Variants in EFHC2 observed in about 807,000 individuals in gnomAD.
EFHC2 encodes the protein EF-hand domain containing 2.
EFHC2 carries 18 observed loss-of-function variants against 52.7 expected under a neutral mutation model. The ratio of observed to expected loss-of-function variants is 0.34; its 90% CI spans 0.24 to 0.51. The LOEUF is 0.51. Ranked by LOEUF, EFHC2 falls within the 20% of genes least tolerant of loss-of-function variation. EFHC2 has a pLI of 0.97. For synonymous variants in EFHC2, 203 were observed against 204.1 expected (o/e 0.99, Z 0.04); for missense variants, 513 against 562.5 (o/e 0.91, Z 0.89).
At chrX:44,177,892 G>A (rs865922300) in intron 12 of EFHC2, among the ~76,000 whole-genome samples, 1 of 109,061 alleles carries the variant, frequency 9.2e-6, no homozygotes, top group Non-Finnish European at 1.9e-5. Context: ...TTCTTTCAAA[G>A]ATACAGGGCC....
Position 44,160,851 on chromosome X carries a change from G to A in EFHC2, c.2148+3071C>T, listed in dbSNP as rs1358370035. Among the ~76,000 whole-genome samples, 4 of 109,460 alleles carry A rather than the reference G, an allele frequency of 3.7e-5. No individual in the cohort carries two copies. In the East Asian group the frequency reaches 1.2e-3, roughly 32 times the overall value. On this transcript the variant is annotated intron_variant, in intron 14 of 14. Transcript: ENST00000420999. ...GCAGGAGAATCACTTGAACCTGGGA[G>A]ATGGAGTTTGCAGTGAGCCGAGATC...
At chrX:44,275,884 A>G (rs2037653282) in intron 2 of EFHC2, among the ~76,000 whole-genome samples, 1 of 106,369 alleles carries the variant, frequency 9.4e-6, no homozygotes, top group South Asian at 4.4e-4. Flanking sequence ...ACTGCACTCC[A>G]GCCTGGGTGA....
At position 44,248,822 on chromosome X, in the gene EFHC2, T is replaced by C. The variant is rs901938221; in HGVS notation, c.953A>G (p.Tyr318Cys). Residue 318 changes from tyrosine to cysteine, a missense_variant, in exon 6 of 15, where the codon TAC becomes TGC. Tyr to Cys is a radical substitution (Grantham distance 194). Transcript: ENST00000420999. Reference protein sequence around the residue: ...GDFIKNQADGYLFDRYKLGKV... With the variant: ...GDFIKNQADGCLFDRYKLGKV... ...CCTTCCCTTATATCTATCGAACAGG[T>C]AGCCATCCGCTTGGTTCTTTATAAA... is the stretch of plus-strand genomic sequence containing the variant. 4 of 1,206,533 alleles carry C rather than the reference T, an allele frequency of 3.3e-6. No homozygotes were observed. The highest frequency in any genetic ancestry group is 3.5e-5 in the African/African-American group (2 of 57,037).
Position 44,176,476 on chromosome X carries a change from T to C in EFHC2, c.1950-92A>G. ...TAGGAAAGAAAATACATTTGTGATGTTTCCTGAGAATGTACACATGGAAGT... is the reference window on the plus strand; with the variant it reads ...TAGGAAAGAAAATACATTTGTGATGCTTCCTGAGAATGTACACATGGAAGT... On this transcript the variant is annotated intron_variant, in intron 12 of 14. Transcript: ENST00000420999. 4.8e-6 allele frequency: 3 copies of C among 622,745 alleles called. No homozygotes were observed. In the South Asian group the frequency reaches 1.0e-4, roughly 21 times the overall value. 51.3% of individuals were successfully genotyped at this position (622,745 alleles called of 1,213,427 possible).
At chrX:44,171,108 G>C (rs1602133011) in intron 13 of EFHC2, among the ~76,000 whole-genome samples, 1 of 111,776 alleles carries the variant, frequency 8.9e-6, no homozygotes, top group Non-Finnish European at 1.9e-5. Context: ...GAAAAAGGGG[G>C]AGGGAAGGCA....
chrX:44,160,132 G>GAGGTCC (rs1464447158), intron 14 of EFHC2, among the ~76,000 whole-genome samples: 1 of 111,842 alleles, frequency 8.9e-6, no homozygotes, highest in African/African-American at 3.3e-5. Flanking sequence ...AAAAGCATCT[G>GAGGTCC]AGGTCCACAG....
chrX:44,312,809 TC>T, intron 1 of EFHC2, 53 bp from the exon 2 acceptor site: 1 of 1,053,989 alleles, frequency 9.5e-7, no homozygotes, highest in Non-Finnish European at 1.2e-6. Flanking sequence ...TTATGACTTT[TC>T]TAACCTGTTT....
At chrX:44,215,294 C>T (rs1473607746) in intron 11 of EFHC2, among the ~76,000 whole-genome samples, 1 of 111,168 alleles carries the variant, frequency 9.0e-6, no homozygotes, top group Non-Finnish European at 1.9e-5. Context: ...CTGACTGATA[C>T]AATTCGGATT....
At chrX:44,272,634 T>C in intron 3 of EFHC2, 52 bp downstream of exon 3, 1 of 1,133,623 alleles carries the variant, frequency 8.8e-7, no homozygotes, top group Non-Finnish European at 1.2e-6. Context: ...AGGCAGTATA[T>C]AAAGGCAGGA....
At chrX:44,200,881 G>A (rs527925541) in intron 11 of EFHC2, among the ~76,000 whole-genome samples, 16 of 111,931 alleles carry the variant, frequency 1.4e-4, no homozygotes, top group African/African-American at 5.2e-4. Context: ...AACAAGAGAC[G>A]TACCAACAAT....
chrX:44,209,430 T>C (rs2037077650), intron 11 of EFHC2, among the ~76,000 whole-genome samples: 1 of 110,311 alleles, frequency 9.1e-6, no homozygotes, highest in Non-Finnish European at 1.9e-5. Flanking sequence ...GAAAAACTGA[T>C]AGAATAAAAA....
At chrX:44,319,567 A>G (rs2038004963) in intron 1 of EFHC2, among the ~76,000 whole-genome samples, 1 of 111,607 alleles carries the variant, frequency 9.0e-6, no homozygotes, top group African/African-American at 3.3e-5. Flanking sequence ...TACTGACTAT[A>G]CCTCCCAAAT....
chrX:44,336,965 TTA>T (rs1328898378), intron 1 of EFHC2, among the ~76,000 whole-genome samples: 2 of 112,136 alleles, frequency 1.8e-5, no homozygotes, highest in Non-Finnish European at 3.8e-5. Context: ...TTGTATAAAA[TTA>T]TATCTTAGGT....
chrX:44,322,031 A>C (rs1221541448), intron 1 of EFHC2, among the ~76,000 whole-genome samples: 2 of 111,340 alleles, frequency 1.8e-5, no homozygotes, highest in Non-Finnish European at 3.8e-5. Context: ...CCTCTCTTTA[A>C]CTATTTAGGA....
intron 8 of EFHC2, 110 bp downstream of exon 8, chrX:44,242,011 G>A (rs2037362845): frequency 9.2e-6 from 7 of 759,390 alleles, no homozygotes; most frequent in Non-Finnish European, 1.3e-5. Flanking sequence ...TGTCTCCCTG[G>A]ACTTGCAATT....
intron 1 of EFHC2, among the ~76,000 whole-genome samples, chrX:44,326,459 T>C (rs2038052578): frequency 9.0e-6 from 1 of 111,031 alleles, no homozygotes; most frequent in Admixed American, 9.7e-5. Flanking sequence ...CATTACACAT[T>C]GTATACACAT....
At chrX:44,224,629 G>C (rs1167281602) in intron 11 of EFHC2, among the ~76,000 whole-genome samples, 1 of 112,609 alleles carries the variant, frequency 8.9e-6, no homozygotes, top group Non-Finnish European at 1.9e-5. Flanking sequence ...CTCTGCAACT[G>C]ATAACGGGGA....
intron 2 of EFHC2, among the ~76,000 whole-genome samples, chrX:44,294,883 G>A (rs914056737): frequency 3.6e-5 from 4 of 112,276 alleles, no homozygotes; most frequent in African/African-American, 1.3e-4. Flanking sequence ...GTTGTGCTAA[G>A]CTCTGAGAAT....
At chrX:44,219,059 T>C (rs187391862) in intron 11 of EFHC2, among the ~76,000 whole-genome samples, 1 of 103,694 alleles carries the variant, frequency 9.6e-6, no homozygotes, top group Non-Finnish European at 1.9e-5. Context: ...CTCAAAATCA[T>C]ACTGAACGAA....
Sources: allele counts gnomAD v4.1 joint callset (sites outside exome capture counted in the v4.1 genomes callset), GRCh38; gene constraint gnomAD v4.1.1; transcripts MANE v1.5; gene names NCBI Gene and HGNC (gene_info 2026-07-23, HGNC 2026-07-21).